The following TXNL4A variants were observed in gnomAD, a reference collection of about 807,000 sequenced individuals.
TXNL4A encodes thioredoxin-like protein 4A.
A neutral mutation model predicts 14.6 loss-of-function variants in TXNL4A; 17 were observed. The observed-to-expected ratio is 1.16, with a 90% CI of 0.80 to 1.74. The LOEUF is 1.74. Ranked by LOEUF, TXNL4A falls within the 40% of genes most tolerant of loss-of-function variation. TXNL4A has a pLI of 0.00. For missense variants in TXNL4A, 74 were observed against 195.2 expected (o/e 0.38, Z 3.70); for synonymous variants, 83 against 70.6 (o/e 1.18, Z -0.88).
intron 1 of TXNL4A, among the ~76,000 whole-genome samples, chr18:79,998,197 G>A (rs902182550): frequency 1.3e-5 from 2 of 152,206 alleles, no homozygotes; most frequent in African/African-American, 4.8e-5. Flanking sequence ...GGAGGCTGAG[G>A]CAGGAGAATG....
At chr18:79,987,848 C>A (rs559463678) in intron 1 of TXNL4A, among the ~76,000 whole-genome samples, 17 of 152,342 alleles carry the variant, frequency 1.1e-4, no homozygotes, top group Middle Eastern at 3.4e-3. Context: ...CTGCTTTATG[C>A]ATACAACGAA....
At chr18:80,000,467 A>G (rs367660016) in intron 1 of TXNL4A, among the ~76,000 whole-genome samples, 35 of 152,350 alleles carry the variant, frequency 2.3e-4, no homozygotes, top group African/African-American at 6.0e-4. Context: ...ATTTCTAAGC[A>G]AAGAAAAGCA....
At chr18:79,977,795 T>G (rs1048540040) in intron 1 of TXNL4A, 94 bp from the exon 2 acceptor site, 2 of 878,524 alleles carry the variant, frequency 2.3e-6, no homozygotes, top group Admixed American at 5.3e-5. Context: ...CAAGAATTTG[T>G]GTGGATCAGG....
chr18:80,021,000 T>C (rs1019006841), intron 1 of TXNL4A, among the ~76,000 whole-genome samples: 1 of 152,184 alleles, frequency 6.6e-6, no homozygotes, highest in African/African-American at 2.4e-5. Context: ...TAGTGCCTTC[T>C]TGAGAAACCC....
At chr18:80,016,422 C>T (rs1285510790) in intron 1 of TXNL4A, among the ~76,000 whole-genome samples, 1 of 151,232 alleles carries the variant, frequency 6.6e-6, no homozygotes, top group African/African-American at 2.4e-5. Flanking sequence ...GTGTTTTAGA[C>T]ATGAAGTCCT....
intron 1 of TXNL4A, among the ~76,000 whole-genome samples, chr18:80,013,584 G>A (rs535555596): frequency 6.4e-4 from 98 of 152,172 alleles, no homozygotes; most frequent in Admixed American, 2.7e-3. Context: ...ACTGGCATGC[G>A]CCACCACGCC....
chr18:80,024,755 C>T (rs1371221062), intron 1 of TXNL4A, among the ~76,000 whole-genome samples: 1 of 152,158 alleles, frequency 6.6e-6, no homozygotes, highest in Non-Finnish European at 1.5e-5. Flanking sequence ...GGAACCGACC[C>T]GTCCTGCAAC....
intron 2 of TXNL4A, among the ~76,000 whole-genome samples, chr18:79,974,472 T>A (rs1259042108): frequency 6.6e-6 from 1 of 152,246 alleles, no homozygotes; most frequent in Non-Finnish European, 1.5e-5. Context: ...ATTAACCCTT[T>A]GTTGTACTGG....
At chr18:79,976,675 A>C (rs1242777290) in intron 2 of TXNL4A, 2 of 409,886 alleles carry the variant, frequency 4.9e-6, no homozygotes, top group South Asian at 3.5e-5. Context: ...CAAAGAATAC[A>C]AAACTAACGC....
intron 1 of TXNL4A, among the ~76,000 whole-genome samples, chr18:80,029,026 A>C (rs1201511244): frequency 6.6e-6 from 1 of 152,224 alleles, no homozygotes; most frequent in Non-Finnish European, 1.5e-5. Flanking sequence ...ATAAAACCCG[A>C]AACACTTAGA....
At chr18:80,019,246 T>A (rs1483617759) in intron 1 of TXNL4A, among the ~76,000 whole-genome samples, 5 of 152,206 alleles carry the variant, frequency 3.3e-5, no homozygotes, top group African/African-American at 1.2e-4. Flanking sequence ...AAGGTTTAAT[T>A]GGACTTATTT....
At chr18:79,980,941 ACT>A (rs1259745076) in intron 1 of TXNL4A, among the ~76,000 whole-genome samples, 2 of 152,164 alleles carry the variant, frequency 1.3e-5, no homozygotes, top group African/African-American at 2.4e-5. Context: ...CATTTCTGAA[ACT>A]CTAGTTTCCC....
chr18:80,028,103 T>A (rs2051896815), intron 1 of TXNL4A, among the ~76,000 whole-genome samples: 1 of 151,376 alleles, frequency 6.6e-6, no homozygotes, highest in Non-Finnish European at 1.5e-5. Context: ...ACTGCCTTTC[T>A]CCCTTTTCAC....
chr18:80,000,969 T>C (rs1377907629), intron 1 of TXNL4A, among the ~76,000 whole-genome samples: 2 of 152,170 alleles, frequency 1.3e-5, no homozygotes, highest in African/African-American at 4.8e-5. Flanking sequence ...ACCAAGACAA[T>C]GAGAAAATGT....
chr18:80,004,479 G>A (rs1784837549), intron 1 of TXNL4A, among the ~76,000 whole-genome samples: 1 of 152,224 alleles, frequency 6.6e-6, no homozygotes, highest in Non-Finnish European at 1.5e-5. Flanking sequence ...CTGAGCCTGG[G>A]TGGAAGGGCA....
chr18:79,991,671 T>C (rs1443158824), upstream of TXNL4A, among the ~76,000 whole-genome samples: 1 of 152,250 alleles, frequency 6.6e-6, no homozygotes, highest in Non-Finnish European at 1.5e-5. Flanking sequence ...TTTTAAGTAT[T>C]GCTAAATTGT....
chr18:79,994,844 C>T (rs2051650419), intron 1 of TXNL4A: 2 of 152,312 alleles, frequency 1.3e-5, no homozygotes, highest in South Asian at 4.1e-4. Flanking sequence ...CCTCTCCCGT[C>T]CTTTTCCTTC....
rs374710903 is a variant in TXNL4A at position 79,973,639 on chromosome 18, T to C, written c.*46A>G. The C allele has an allele frequency of 1.3e-6, 2 of 1,565,234 alleles. No homozygotes were observed. The highest frequency in any genetic ancestry group is 2.4e-5 in the South Asian group (2 of 83,998). ...CTTTAAATAGCTTAAAACGTTTCCATACAAAAAGGGCTCCACGACATTTAT... is the reference window on the plus strand; with the variant it reads ...CTTTAAATAGCTTAAAACGTTTCCACACAAAAAGGGCTCCACGACATTTAT... On this transcript the variant is annotated 3_prime_UTR_variant, in exon 3 of 3. Transcript: ENST00000269601.
At position 79,995,829 on chromosome 18, in the gene TXNL4A, G is replaced by A. The variant is rs745873633; in HGVS notation, c.-60-18128C>T. Among the ~76,000 whole-genome samples, 111 of 152,246 alleles carry A rather than the reference G, an allele frequency of 7.3e-4. 2 individuals carry two copies. Among genetic ancestry groups the A allele is most frequent in the African/African-American group, 1.4e-3 (59 of 41,544 alleles). Reference sequence around the variant, plus strand: ...TAAAAGACCAGGACAACGGCCGGGCGCGGTGGCTCACGCCTGTAATCCCAG... The same window carrying A: ...TAAAAGACCAGGACAACGGCCGGGCACGGTGGCTCACGCCTGTAATCCCAG... On this transcript the variant is annotated intron_variant, in intron 1 of 2. Transcript: ENST00000585474.
Sources: gnomAD v4.1 joint callset for allele counts (sites outside exome capture counted in the v4.1 genomes callset) on GRCh38, gnomAD v4.1.1 for gene constraint, MANE v1.5 for transcripts, NCBI Gene and HGNC (gene_info 2026-07-23, HGNC 2026-07-21) for gene names.